Variants in ARHGEF10 observed in about 807,000 individuals in gnomAD.
ARHGEF10 encodes the protein Rho guanine nucleotide exchange factor (GEF) 10.
Under a neutral mutation model 147.4 loss-of-function variants are expected in ARHGEF10, and 140 were observed. The observed-to-expected ratio is 0.95, with a 90% CI of 0.83 to 1.09. ARHGEF10 has a LOEUF of 1.09. Among genes scored for constraint, ARHGEF10 ranks in the 50% least tolerant of loss-of-function variants. The pLI, the probability that ARHGEF10 is intolerant of heterozygous loss-of-function variation, is 0.00. For missense variants in ARHGEF10, 2,222 were observed against 1,752.7 expected, an observed-to-expected ratio of 1.27 and a Z score of -4.78; for synonymous variants, 902 against 695.8, an observed-to-expected ratio of 1.30 and a Z score of -4.67.
intron 18 of ARHGEF10, among the ~76,000 whole-genome samples, chr8:1,913,543 A>T (rs771455318): frequency 2.6e-5 from 4 of 152,238 alleles, no homozygotes; most frequent in Non-Finnish European, 4.4e-5. Context: ...TCACCTTTTA[A>T]CGGAACAGGA....
chr8:1,878,444 C>T (rs1186786957), intron 8 of ARHGEF10, among the ~76,000 whole-genome samples: 1 of 152,214 alleles, frequency 6.6e-6, no homozygotes, highest in Non-Finnish European at 1.5e-5. Flanking sequence ...CTCAGCCCTC[C>T]AAAGTGCTGG....
At chr8:1,878,404 C>G (rs889614387) in intron 8 of ARHGEF10, among the ~76,000 whole-genome samples, 6 of 152,106 alleles carry the variant, frequency 3.9e-5, no homozygotes, top group African/African-American at 1.4e-4. Flanking sequence ...CCAGGCTGGT[C>G]TCGAACTCCT....
At chr8:1,899,037 C>T (rs1810247696) in intron 15 of ARHGEF10, among the ~76,000 whole-genome samples, 1 of 152,204 alleles carries the variant, frequency 6.6e-6, no homozygotes, top group Non-Finnish European at 1.5e-5. Context: ...GGAGATGCTG[C>T]GATGGTGAAA....
chr8:1,842,876 C>G (rs1804202945), intron 1 of ARHGEF10, among the ~76,000 whole-genome samples: 1 of 152,208 alleles, frequency 6.6e-6, no homozygotes, highest in Non-Finnish European at 1.5e-5. Context: ...ACATGCTTAC[C>G]AAAAGGAGTG....
chr8:1,928,880 A>G (rs1388916399), intron 24 of ARHGEF10, among the ~76,000 whole-genome samples: 1 of 152,200 alleles, frequency 6.6e-6, no homozygotes, highest in Non-Finnish European at 1.5e-5. Context: ...ATTTCTTTAA[A>G]GGGGACAGTT....
chr8:1,865,596 A>G (rs1445426270), intron 5 of ARHGEF10, among the ~76,000 whole-genome samples: 1 of 147,464 alleles, frequency 6.8e-6, no homozygotes, highest in African/African-American at 2.5e-5. Flanking sequence ...CAGCACCCAC[A>G]GGGCCATCAC....
intron 15 of ARHGEF10, among the ~76,000 whole-genome samples, chr8:1,901,542 G>T (rs577886756): frequency 6.6e-6 from 1 of 152,352 alleles, no homozygotes; most frequent in East Asian, 1.9e-4. Flanking sequence ...CTCCGTTGTT[G>T]TGCAAAGATA....
At chr8:1,864,929 C>T (rs558559179) in intron 5 of ARHGEF10, among the ~76,000 whole-genome samples, 4 of 152,188 alleles carry the variant, frequency 2.6e-5, no homozygotes, top group East Asian at 1.9e-4. Flanking sequence ...TTAGTGGTAG[C>T]GTGTTATCAC....
chr8:1,876,882 AG>A lies in ARHGEF10; in HGVS notation c.843+150del, dbSNP rs879008665. 73 of 884,014 alleles carry A rather than the reference AG, an allele frequency of 8.3e-5. No individual in the cohort carries two copies. The South Asian group carries it at 9.2e-4, about 11-fold the overall frequency. 54.8% of individuals were successfully genotyped at this position (884,014 alleles called of 1,614,324 possible). ...TGGGGAAAGCATAAGATATTGGCAA[AG>A]GAGAAGACGTGTCTTGTTTCATATA... On this transcript the variant is annotated intron_variant, in intron 8 of 28. Transcript: ENST00000349830.
chr8:1,854,336 G>A (rs563273164), intron 2 of ARHGEF10, among the ~76,000 whole-genome samples: 7 of 152,366 alleles, frequency 4.6e-5, no homozygotes, highest in East Asian at 3.9e-4. Flanking sequence ...GGCGCCCGCC[G>A]TGGGCACAGC....
At position 1,854,390 on chromosome 8, in the gene ARHGEF10, A is replaced by G. The variant is rs1410748626; in HGVS notation, c.38-3570A>G. 2.0e-5 allele frequency among the ~76,000 whole-genome samples: 3 copies of G among 152,254 alleles called. No homozygotes were observed. In the East Asian group the frequency reaches 5.8e-4, roughly 29 times the overall value. On this transcript the variant is annotated intron_variant, in intron 2 of 28. Coordinates refer to ENST00000349830, the MANE Select transcript of ARHGEF10 (RefSeq NM_014629.4). ...CAGGGGTGCAGCCTCAGGTGGTTAC[A>G]TTGAGCACAACTTCTTTGAGTTCTT... is the stretch of plus-strand genomic sequence containing the variant.
In ARHGEF10 at chr8:1,916,240, C is replaced by T. The variant is rs58942313; in HGVS notation, c.2144-6724C>T. ...GGCCAGCCACGGAAAGGTGCGCATG[C>T]AGGAGGGCCTGTGGACGGGGTCCTA... is the stretch of plus-strand genomic sequence containing the variant. On this transcript the variant is annotated intron_variant, in intron 18 of 28. Transcript: ENST00000349830. Among the ~76,000 whole-genome samples, 499 of 152,326 alleles carry T rather than the reference C, an allele frequency of 3.3e-3. 3 individuals carry two copies. Among genetic ancestry groups the T allele is most frequent in the African/African-American group, 0.012 (486 of 41,576 alleles).
At chr8:1,865,656 G>A (rs1387400738) in intron 5 of ARHGEF10, among the ~76,000 whole-genome samples, 2 of 152,226 alleles carry the variant, frequency 1.3e-5, no homozygotes, top group African/African-American at 2.4e-5. Flanking sequence ...AGGTACCTTG[G>A]GGCCTGTTAG....
chr8:1,889,856 G>A (rs1435745512), intron 11 of ARHGEF10, among the ~76,000 whole-genome samples: 14 of 142,382 alleles, frequency 9.8e-5, no homozygotes, highest in African/African-American at 2.3e-4. Context: ...GGTTTGTGAG[G>A]AGACACTGAG....
intron 14 of ARHGEF10, among the ~76,000 whole-genome samples, chr8:1,896,856 G>A (rs887251843): frequency 2.6e-5 from 4 of 152,198 alleles, no homozygotes; most frequent in African/African-American, 9.7e-5. Flanking sequence ...GGCCCTACCC[G>A]AGGGGGACGC....
chr8:1,861,896 T>C (rs927585722), intron 4 of ARHGEF10, among the ~76,000 whole-genome samples: 5 of 152,228 alleles, frequency 3.3e-5, no homozygotes, highest in African/African-American at 1.2e-4. Flanking sequence ...TTTTAAAATA[T>C]TATTTGATTA....
intron 17 of ARHGEF10, among the ~76,000 whole-genome samples, chr8:1,906,523 C>G (rs1372916988): frequency 6.6e-6 from 1 of 152,150 alleles, no homozygotes; most frequent in Non-Finnish European, 1.5e-5. Flanking sequence ...CCCTATTTTT[C>G]ATGCCCGTCG....
chr8:1,882,700 C>G lies in ARHGEF10; in HGVS notation c.1026C>G (p.Ala342=). ...TKDGLERTRA[A]VKRGRSFIRT... The stretch of plus-strand genomic sequence containing the variant: ...ACGGGCTGGAGAGGACCAGGGCAGC[C>G]GTGAAGAGGGGCCGCTCCTTCATCA... The change falls in exon 10 of 29, where the codon GCC becomes GCG. Residue 342 remains alanine (A), a synonymous_variant. Transcript: ENST00000349830. 1 of 1,556,950 alleles carries G rather than the reference C, an allele frequency of 6.4e-7. No homozygotes were observed. Among genetic ancestry groups the G allele is most frequent in the Non-Finnish European group, 8.7e-7 (1 of 1,149,636 alleles).
At position 1,932,583 on chromosome 8, in the gene ARHGEF10, G is replaced by A. The variant is rs1358832269; in HGVS notation, c.3080-1217G>A. On this transcript the variant is annotated intron_variant, in intron 25 of 28. Coordinates refer to ENST00000349830, the MANE Select transcript of ARHGEF10 (RefSeq NM_014629.4). ...TATTTAATCACATAATGATAGACTG[G>A]GCCCTGTGCAGATATTACAAAGGAA... Among the ~76,000 whole-genome samples, 3 of 152,284 alleles carry A rather than the reference G, an allele frequency of 2.0e-5. No homozygotes were observed. In the Middle Eastern group the frequency reaches 0.01, roughly 518 times the overall value.
Sources: allele counts gnomAD v4.1 joint callset (sites outside exome capture counted in the v4.1 genomes callset), GRCh38; gene constraint gnomAD v4.1.1; transcripts MANE v1.5; gene names NCBI Gene and HGNC (gene_info 2026-07-23, HGNC 2026-07-21).